ZNF605: variants seen among roughly 807,000 people sequenced by gnomAD.
ZNF605 encodes zinc finger protein 605.
ZNF605 carries 9 observed loss-of-function variants against 7.9 expected under a neutral mutation model. The observed-to-expected ratio is 1.14, with a 90% CI of 0.68 to 1.98. The LOEUF is 1.98. Among genes scored for constraint, ZNF605 ranks in the 30% most tolerant of loss-of-function variants. ZNF605 has a pLI of 0.00. For synonymous variants in ZNF605, 255 were observed against 260.1 expected (o/e 0.98, Z 0.19); for missense variants, 673 against 762.4 (o/e 0.88, Z 1.38).
Position 132,919,447 on chromosome 12 carries a change from T to C in ZNF605, c.*5926A>G, listed in dbSNP as rs977622231. On this transcript the variant is annotated 3_prime_UTR_variant, in exon 5 of 5. Transcript: ENST00000360187. ...GTCGCTCAGGCCAGAGTGAGTGCAG[T>C]GGCGCGATCTCAGCTCACTGCAAGC... The C allele has an allele frequency of 1.4e-5, 2 of 145,078 alleles. No homozygotes were observed. Among genetic ancestry groups the C allele is most frequent in the Admixed American group, 7.4e-5 (1 of 13,538 alleles). The allele number at this position is 145,078 out of a possible 1,614,324, so 9.0% of individuals were successfully genotyped here.
chr12:132,945,152 C>T (rs1259430634), intron 3 of ZNF605: 25 of 464,510 alleles, frequency 5.4e-5, no homozygotes, highest in Non-Finnish European at 7.8e-5. Flanking sequence ...TCAGTAGAGA[C>T]GGGGTTTTGC....
At position 132,932,357 on chromosome 12, in the gene ZNF605, T is replaced by C. The variant is rs1952316498; in HGVS notation, c.136+678A>G. Reference sequence around the variant, plus strand: ...GAGAAGAAAAATAATAAATTAAAAGTTTGAAGTTTAAATAAACTCAAAGGC... The same window carrying C: ...GAGAAGAAAAATAATAAATTAAAAGCTTGAAGTTTAAATAAACTCAAAGGC... On this transcript the variant is annotated intron_variant, in intron 4 of 4. Transcript: ENST00000360187. Among the ~76,000 whole-genome samples, 6 of 152,226 alleles carry C rather than the reference T, an allele frequency of 3.9e-5. No homozygotes were observed. In the South Asian group the frequency reaches 1.2e-3, roughly 32 times the overall value.
intron 4 of ZNF605, among the ~76,000 whole-genome samples, chr12:132,929,420 C>T (rs1952283378): frequency 1.3e-5 from 2 of 152,004 alleles, no homozygotes; most frequent in Non-Finnish European, 2.9e-5. Context: ...AGCACAACTG[C>T]TGATATGGAA....
intron 3 of ZNF605, among the ~76,000 whole-genome samples, chr12:132,939,808 C>T (rs111926567): frequency 2.0e-5 from 3 of 150,972 alleles, no homozygotes; most frequent in Admixed American, 6.6e-5. Flanking sequence ...CTTTTATGAG[C>T]TGTAACACTC....
At chr12:132,950,975 T>G (rs1261045193) in intron 1 of ZNF605, among the ~76,000 whole-genome samples, 1 of 146,266 alleles carries the variant, frequency 6.8e-6, no homozygotes, top group African/African-American at 2.6e-5. Flanking sequence ...TCAGACACAC[T>G]GATACACATG....
At chr12:132,932,695 A>G in intron 4 of ZNF605, 1 of 1,485,832 alleles carries the variant, frequency 6.7e-7, no homozygotes, top group Admixed American at 2.1e-5. Context: ...GTATCTCATA[A>G]ACCTGATTAT....
At chr12:132,945,301 C>T in intron 3 of ZNF605, 2 of 923,242 alleles carry the variant, frequency 2.2e-6, no homozygotes, top group Non-Finnish European at 3.5e-6. Flanking sequence ...CTTTGTGCTT[C>T]TTTGGACATC....
Sources: allele counts gnomAD v4.1 joint callset (sites outside exome capture counted in the v4.1 genomes callset), GRCh38; gene constraint gnomAD v4.1.1; transcripts MANE v1.5; gene names NCBI Gene and HGNC (gene_info 2026-07-23, HGNC 2026-07-21).